MASP2: variants seen among roughly 807,000 people sequenced by gnomAD.
MASP2 encodes the protein mannan-binding lectin serine protease 2.
MASP2 carries 49 observed loss-of-function variants against 57.1 expected under a neutral mutation model. The ratio of observed to expected loss-of-function variants is 0.86; its 90% CI spans 0.68 to 1.09. MASP2 has a LOEUF of 1.09. Ranked by LOEUF, MASP2 falls within the 50% of genes least tolerant of loss-of-function variation. The probability of loss-of-function intolerance (pLI) is 0.00; values close to 1 mark genes in which losing one functional copy is unlikely to be tolerated. For missense variants in MASP2, 900 were observed against 874.8 expected, an observed-to-expected ratio of 1.03 and a Z score of -0.36; for synonymous variants, 379 against 340.8, an observed-to-expected ratio of 1.11 and a Z score of -1.24.
chr1:11,041,438 T>TGGATGGATGGATG (rs1638433445), intron 6 of MASP2, among the ~76,000 whole-genome samples: 3 of 51,744 alleles, frequency 5.8e-5, no homozygotes, highest in Non-Finnish European at 8.2e-5. Context: ...ATGGATGGAT[T>TGGATGGATGGATG]GGTAGGTAGA....
chr1:11,039,273 C>T (rs377259103), intron 6 of MASP2, among the ~76,000 whole-genome samples: 5 of 152,104 alleles, frequency 3.3e-5, no homozygotes, highest in Middle Eastern at 6.3e-3. Context: ...GTGGCTTCCA[C>T]GTTACATATC....
rs1308754830 is a variant in MASP2, at chr1:11,027,584, A to G, written c.1362T>C (p.Gly454=). Residue 454 remains glycine, a synonymous_variant, in exon 11 of 11, where the codon GGT becomes GGC. Transcript: ENST00000400897. ...ATATCAGGACTTGCCAAGGAAAATC[A>G]CCAGGTTTTGCCTTTTGCCCTCCAT... The part of the protein sequence containing the change: ...RIYGGQKAKP[G]DFPWQVLILG... 1.2e-6 allele frequency: 2 copies of G among 1,614,186 alleles called. No homozygotes were observed. The highest frequency in any genetic ancestry group is 4.5e-5 in the East Asian group (2 of 44,890).
chr1:11,045,678 G>T, intron 3 of MASP2, 139 bp from the exon 4 acceptor site: 1 of 929,154 alleles, frequency 1.1e-6, no homozygotes, highest in Non-Finnish European at 1.6e-6. Context: ...GACTGGTGCC[G>T]GGCCAATCAC....
rs910540651 is a variant in MASP2, at chr1:11,045,389, C to A, written c.544+19G>T. ...TATCCCAGGAGAGGGTGCGTTGGGG[C>A]CCAGGCAGCCTCCCTCACCTGAGCA... On this transcript the variant is annotated intron_variant, in intron 4 of 10. Transcript: ENST00000400897. 3.1e-6 allele frequency: 5 copies of A among 1,612,392 alleles called. No individual in the cohort carries two copies. The highest frequency in any genetic ancestry group is 4.2e-6 in the Non-Finnish European group (5 of 1,179,964).
intron 3 of MASP2, 122 bp downstream of exon 3, chr1:11,046,434 A>G (rs1638639639): frequency 2.7e-6 from 3 of 1,100,296 alleles, no homozygotes; most frequent in Non-Finnish European, 4.0e-6. Flanking sequence ...GTCAGGCCAG[A>G]GGCCTCTCCC....
At chr1:11,034,564 G>A (rs373703796) in intron 8 of MASP2, among the ~76,000 whole-genome samples, 94 of 152,046 alleles carry the variant, frequency 6.2e-4, no homozygotes, top group African/African-American at 2.1e-3. Context: ...CAGGCGTGGT[G>A]TCAGGTGCCT....
At chr1:11,037,219 G>C (rs1358703370) in intron 7 of MASP2, among the ~76,000 whole-genome samples, 1 of 149,436 alleles carries the variant, frequency 6.7e-6, no homozygotes, top group African/African-American at 2.6e-5. Flanking sequence ...AATAATTTTT[G>C]TATTTTTAGT....
chr1:11,036,510 C>CAAA lies in MASP2; in HGVS notation c.1008+1180_1008+1182dup, dbSNP rs35642467. Among the ~76,000 whole-genome samples the CAAA allele has an allele frequency of 3.7e-3, 201 of 54,332 alleles. 10 individuals carry two copies. Among genetic ancestry groups the CAAA allele is most frequent in the African/African-American group, 0.01 (166 of 16,138 alleles). 35.6% of individuals were successfully genotyped at this position (54,332 alleles called of 152,430 possible). A position where few individuals can be genotyped will look rare whatever the true frequency, so the allele number is the denominator to read the frequency against. On this transcript the variant is annotated intron_variant, in intron 7 of 10. Transcript: ENST00000400897. ...TGGGCGACAGAGCGAGACTCCGTCT[C>CAAA]AAAAAAAAAAAAAAAAAAAAAAAAA...
rs1638504763 is a variant in MASP2, at chr1:11,042,920, C to G, written c.844G>C (p.Glu282Gln). The change falls in exon 6 of 11, where the codon GAA becomes CAA. Residue 282 changes from glutamate (E) to glutamine (Q), a missense_variant. Coordinates refer to ENST00000400897, the MANE Select transcript of MASP2 (RefSeq NM_006610.4). The stretch of plus-strand genomic sequence containing the variant: ...TTCCAGCCTGTGTGGTCTCCTGATT[C>G]ATCTGTGACAAAGGTGATGGTCACC... The part of the protein sequence containing the change: ...NTVTITFVTD[E>Q]SGDHTGWKIH... The G allele has an allele frequency of 6.2e-7, 1 of 1,614,050 alleles. No homozygotes were observed. Among genetic ancestry groups the G allele is most frequent in the African/African-American group, 1.3e-5 (1 of 75,046 alleles).
chr1:11,037,044 GTTTTA>G (rs1030839665), intron 7 of MASP2, among the ~76,000 whole-genome samples: 13 of 152,050 alleles, frequency 8.5e-5, no homozygotes, highest in African/African-American at 3.1e-4. Flanking sequence ...AAAGTTGCCC[GTTTTA>G]TTTTATTTTA....
rs1328482662 is a variant in MASP2, at chr1:11,037,801, G to C, written c.900C>G (p.Cys300Trp). The change falls in exon 7 of 11, where the codon TGC becomes TGG. Residue 300 changes from cysteine (C) to tryptophan (W), a missense_variant. Transcript: ENST00000400897. ...CATTAGGTGGCGCCATCGGATAAGG[G>C]CAAGGCTGCGCTGCGCAGAGGAAAC... ...KIHYTSTAQPCPYPMAPPNGH... is the reference protein window; with the variant it reads ...KIHYTSTAQPWPYPMAPPNGH... 6.2e-7 allele frequency: 1 copy of C among 1,607,304 alleles called. No individual in the cohort carries two copies. The highest frequency in any genetic ancestry group is 2.2e-5 in the East Asian group (1 of 44,766).
rs116460385 is a variant in MASP2 at position 11,044,498 on chromosome 1, A to G, written c.544+910T>C. The stretch of plus-strand genomic sequence containing the variant: ...TTGCGGGGGACCAGATTACCCCTCA[A>G]TGAATATCTCCCAGGGTGTCTCCTC... On this transcript the variant is annotated intron_variant, in intron 4 of 10. Transcript: ENST00000400897. 3.1e-3 allele frequency among the ~76,000 whole-genome samples: 479 copies of G among 152,260 alleles called. 3 individuals are homozygous for G. Among genetic ancestry groups the G allele is most frequent in the African/African-American group, 0.011 (461 of 41,544 alleles).
In MASP2 at chr1:11,044,932, A is replaced by G. The variant is rs778755453; in HGVS notation, c.544+476T>C. 8 of 1,608,294 alleles carry G rather than the reference A, an allele frequency of 5.0e-6. No homozygotes were observed. In the East Asian group the frequency reaches 1.8e-4, roughly 36 times the overall value. On this transcript the variant is annotated intron_variant, in intron 4 of 10. Transcript: ENST00000400897. ...GACCTGCTGGGCAGGCCGGAGCTCCAGGGGAGGCTAGAGGCTCTGCTCTGG... is the reference window on the plus strand; with the variant it reads ...GACCTGCTGGGCAGGCCGGAGCTCCGGGGGAGGCTAGAGGCTCTGCTCTGG...
At chr1:11,037,889 T>C in intron 6 of MASP2, 78 bp from the exon 7 acceptor site, 1 of 784,398 alleles carries the variant, frequency 1.3e-6, no homozygotes, top group South Asian at 1.8e-5. Context: ...TCTGAAGTTC[T>C]TAGTTTATAA....
At chr1:11,030,947 G>A (rs1643834176) in intron 8 of MASP2, 65 bp from the exon 9 acceptor site, 23 of 1,545,100 alleles carry the variant, frequency 1.5e-5, no homozygotes, top group Non-Finnish European at 1.8e-5. Flanking sequence ...CCAAAGGTCT[G>A]GAGAAGCACC....
At chr1:11,041,433 T>TGGATGGATGGATGGAG (rs1433621764) in intron 6 of MASP2, among the ~76,000 whole-genome samples, 1 of 127,946 alleles carries the variant, frequency 7.8e-6, no homozygotes, top group Non-Finnish European at 1.7e-5. Context: ...GATGGATGGA[T>TGGATGGATGGATGGAG]GGATTGGTAG....
intron 6 of MASP2, among the ~76,000 whole-genome samples, chr1:11,040,416 T>A (rs752964763): frequency 5.5e-5 from 8 of 144,366 alleles, no homozygotes; most frequent in Non-Finnish European, 1.0e-4. Context: ...TGCAGTGAGC[T>A]GAGATTGTGC....
At chr1:11,032,442 C>T (rs1344189170) in intron 8 of MASP2, among the ~76,000 whole-genome samples, 6 of 150,018 alleles carry the variant, frequency 4.0e-5, no homozygotes, top group Non-Finnish European at 5.9e-5. Flanking sequence ...TGAAACCCTG[C>T]CTCTACTAAA....
Position 11,026,579 on chromosome 1 carries a change from A to G in MASP2, c.*306T>C. The G allele has an allele frequency of 4.5e-6, 1 of 220,062 alleles. No homozygotes were observed. 13.6% of individuals were successfully genotyped at this position (220,062 alleles called of 1,614,324 possible). A position where few individuals can be genotyped will look rare whatever the true frequency, so the allele number is the denominator to read the frequency against. The stretch of plus-strand genomic sequence containing the variant: ...TGGACAGGCAGTTTACAGAAATGCC[A>G]ACAGCCAGTATGAAAAGAGACTGGC... On this transcript the variant is annotated 3_prime_UTR_variant, in exon 11 of 11. Coordinates refer to ENST00000400897, the MANE Select transcript of MASP2 (RefSeq NM_006610.4).
Sources: gnomAD v4.1 joint callset for allele counts (sites outside exome capture counted in the v4.1 genomes callset) on GRCh38, gnomAD v4.1.1 for gene constraint, MANE v1.5 for transcripts, NCBI Gene and HGNC (gene_info 2026-07-23, HGNC 2026-07-21) for gene names.